The following SLC9A4 variants were observed in gnomAD, a reference collection of about 807,000 sequenced individuals.
SLC9A4 encodes solute carrier family 9 member A4.
A neutral mutation model predicts 67.4 loss-of-function variants in SLC9A4; 63 were observed. The observed-to-expected ratio is 0.93, with a 90% CI of 0.76 to 1.15. The LOEUF is 1.15. SLC9A4 is among the 50% of genes most tolerant of loss of function. SLC9A4 has a pLI of 0.00. For missense variants in SLC9A4, 1,089 were observed against 987.7 expected, an observed-to-expected ratio of 1.10 and a Z score of -1.38; for synonymous variants, 393 against 367.2, an observed-to-expected ratio of 1.07 and a Z score of -0.80.
chr2:102,488,282 G>T (rs1684628579), intron 2 of SLC9A4, among the ~76,000 whole-genome samples: 1 of 152,082 alleles, frequency 6.6e-6, no homozygotes, highest in Non-Finnish European at 1.5e-5. Context: ...CCCATGAGTT[G>T]GCTGTTTGGG....
chr2:102,523,952 A>C (rs1674603856), intron 9 of SLC9A4, among the ~76,000 whole-genome samples: 1 of 152,204 alleles, frequency 6.6e-6, no homozygotes, highest in Non-Finnish European at 1.5e-5. Flanking sequence ...GACTGGATGA[A>C]GTGCCTTTTG....
chr2:102,490,081 C>T (rs1454978413), intron 2 of SLC9A4, among the ~76,000 whole-genome samples: 2 of 151,350 alleles, frequency 1.3e-5, no homozygotes, highest in African/African-American at 4.9e-5. Context: ...TATGTTGTGA[C>T]TCTTAACTTC....
In SLC9A4 at chr2:102,532,506, G is replaced by A; in HGVS notation, c.2215G>A (p.Gly739Arg). Residue 739 changes from glycine to arginine, a missense_variant, in exon 12 of 12, where the codon GGA becomes AGA. Transcript: ENST00000295269. ...CACAAGCCAAGAAGAGTACTTGGGT[G>A]GAGTAAGGAGGGTGGCCTTAAGACC... ...RNTSQEEYLG[G>R]VRRVALRPKP... The A allele has an allele frequency of 6.2e-7, 1 of 1,614,158 alleles. No individual in the cohort carries two copies. The highest frequency in any genetic ancestry group is 8.5e-7 in the Non-Finnish European group (1 of 1,180,014).
intron 4 of SLC9A4, among the ~76,000 whole-genome samples, chr2:102,506,221 A>G (rs995114118): frequency 6.6e-6 from 1 of 152,222 alleles, no homozygotes; most frequent in Non-Finnish European, 1.5e-5. Flanking sequence ...GCTAGAAAAG[A>G]ACATTAAGCA....
chr2:102,493,108 T>C (rs1474431779), intron 2 of SLC9A4, among the ~76,000 whole-genome samples: 4 of 152,236 alleles, frequency 2.6e-5, no homozygotes, highest in Non-Finnish European at 5.9e-5. Flanking sequence ...TCAACAAGTC[T>C]TTAGGAAGTT....
In SLC9A4 at chr2:102,500,311, G is replaced by A. The variant is rs182300323; in HGVS notation, c.721-3137G>A. Among the ~76,000 whole-genome samples the A allele has an allele frequency of 2.8e-4, 42 of 152,188 alleles. No individual in the cohort carries two copies. In the East Asian group the frequency reaches 6.8e-3, roughly 24 times the overall value. On this transcript the variant is annotated intron_variant, in intron 2 of 11. Transcript: ENST00000295269. ...AGGCAAGGAAGGGCCCTCCCCTAAC[G>A]CCTTCAGGGGGCGCGTAGCACTGCC...
At chr2:102,491,624 C>T (rs1345427920) in intron 2 of SLC9A4, among the ~76,000 whole-genome samples, 1 of 152,070 alleles carries the variant, frequency 6.6e-6, no homozygotes, top group African/African-American at 2.4e-5. Context: ...TGGGTCCCTC[C>T]CATGACAAGT....
In SLC9A4 at chr2:102,532,687, A is replaced by G; in HGVS notation, c.2396A>G (p.Ter799TrpextTer18). The change falls in exon 12 of 12, where the codon TAG (stop) becomes TGG (tryptophan). Residue 799 changes from the stop codon to tryptophan (W), a stop_lost. Coordinates refer to ENST00000295269, the MANE Select transcript of SLC9A4 (RefSeq NM_001011552.4). ...RSHSPLLQKK[*>W] ...CATAGTCCTTTGCTCCAAAAAAAAT[A>G]GTGTTATTGTCCACAAGATTGTTTT... 1.2e-6 allele frequency: 2 copies of G among 1,610,732 alleles called. No individual in the cohort carries two copies. Among genetic ancestry groups the G allele is most frequent in the Non-Finnish European group, 1.7e-6 (2 of 1,178,180 alleles).
intron 4 of SLC9A4, among the ~76,000 whole-genome samples, chr2:102,507,389 T>C (rs1458325960): frequency 6.6e-6 from 1 of 152,216 alleles, no homozygotes; most frequent in Non-Finnish European, 1.5e-5. Flanking sequence ...CACCACTGCA[T>C]TGGTGGTACC....
intron 2 of SLC9A4, among the ~76,000 whole-genome samples, chr2:102,497,530 C>A (rs1011025140): frequency 6.6e-6 from 1 of 152,136 alleles, no homozygotes; most frequent in African/African-American, 2.4e-5. Context: ...CTAACACCTG[C>A]AACAACTTGG....
intron 3 of SLC9A4, among the ~76,000 whole-genome samples, chr2:102,504,054 TTTTG>T (rs1684999352): frequency 6.6e-6 from 1 of 152,118 alleles, no homozygotes; most frequent in Non-Finnish European, 1.5e-5. Context: ...AAAAGTGTTT[TTTTG>T]TTTGTTTGTT....
chr2:102,503,672 A>G lies in SLC9A4; in HGVS notation c.945A>G (p.Leu315=), dbSNP rs201016853. 105 of 1,614,070 alleles carry G rather than the reference A, an allele frequency of 6.5e-5. No individual in the cohort carries two copies. In the Middle Eastern group the frequency reaches 6.6e-4, roughly 10 times the overall value. Residue 315 remains leucine, a synonymous_variant, in exon 3 of 12, where the codon TTA becomes TTG. Transcript: ENST00000295269. ...IVFMFSYLSY[L]AAETLYLSGI... ...TCATGTTCAGCTATTTGTCTTACTT[A>G]GCTGCTGAAACCCTCTATCTCTCCG...
At position 102,473,781 on chromosome 2, in the gene SLC9A4, ACTTACAGTC is replaced by A. The variant is rs1367181038; in HGVS notation, c.26_34del (p.Tyr9_Pro11del). 1.9e-6 allele frequency: 3 copies of A among 1,614,016 alleles called. No individual in the cohort carries two copies. Among genetic ancestry groups the A allele is most frequent in the Non-Finnish European group, 2.5e-6 (3 of 1,179,914 alleles). ...AGGAATGGCTCTGCAGATGTTCGTG[ACTTACAGTC>A]CTTGGAATTGTTTGCTACTGCTAGT... On this transcript the variant is annotated inframe_deletion, in exon 1 of 12. Transcript: ENST00000295269.
rs759238987 is a variant in SLC9A4, at chr2:102,503,573, C to A, written c.846C>A (p.Ile282=). The A allele has an allele frequency of 8.7e-6, 14 of 1,614,088 alleles. No homozygotes were observed. Among genetic ancestry groups the A allele is most frequent in the East Asian group, 4.5e-5 (2 of 44,880 alleles). The change falls in exon 3 of 12, where the codon ATC becomes ATA. Residue 282 remains isoleucine, a synonymous_variant. Coordinates refer to ENST00000295269, the MANE Select transcript of SLC9A4 (RefSeq NM_001011552.4). The part of the protein sequence containing the change: ...VVGLGGVLFG[I]VFGFISAFIT... ...GGCTTGGAGGGGTATTGTTTGGCAT[C>A]GTTTTTGGATTTATTTCTGCATTTA...
At chr2:102,497,946 T>G (rs1367576494) in intron 2 of SLC9A4, among the ~76,000 whole-genome samples, 1 of 152,218 alleles carries the variant, frequency 6.6e-6, no homozygotes, top group Non-Finnish European at 1.5e-5. Flanking sequence ...TAAAAGGGCT[T>G]TGCAAACTTT....
chr2:102,479,878 A>G (rs1204926808), intron 2 of SLC9A4, among the ~76,000 whole-genome samples: 2 of 152,182 alleles, frequency 1.3e-5, no homozygotes. Flanking sequence ...TTCTGGTGGG[A>G]AACTGAGAAG....
At chr2:102,488,275 A>C (rs1405069288) in intron 2 of SLC9A4, among the ~76,000 whole-genome samples, 1 of 152,106 alleles carries the variant, frequency 6.6e-6, no homozygotes, top group Non-Finnish European at 1.5e-5. Flanking sequence ...GAAAAACCCC[A>C]TGAGTTGGCT....
intron 2 of SLC9A4, among the ~76,000 whole-genome samples, chr2:102,497,920 G>A (rs1684845427): frequency 6.6e-6 from 1 of 152,234 alleles, no homozygotes; most frequent in East Asian, 1.9e-4. Flanking sequence ...TAGTCATTGT[G>A]TGAGTCTCTG....
chr2:102,485,095 C>A (rs1307600925), intron 2 of SLC9A4, among the ~76,000 whole-genome samples: 2 of 152,132 alleles, frequency 1.3e-5, no homozygotes, highest in East Asian at 3.8e-4. Flanking sequence ...GACAGAGACC[C>A]CCTGGACCCA....
Sources: allele counts gnomAD v4.1 joint callset (sites outside exome capture counted in the v4.1 genomes callset), GRCh38; gene constraint gnomAD v4.1.1; transcripts MANE v1.5; gene names NCBI Gene and HGNC (gene_info 2026-07-23, HGNC 2026-07-21).